The following PIK3CB variants were observed in gnomAD, a reference collection of about 807,000 sequenced individuals.
PIK3CB encodes the protein phosphatidylinositol-4,5-bisphosphate 3-kinase catalytic subunit beta, also known as phosphatidylinositol 4,5-bisphosphate 3-kinase catalytic subunit beta isoform.
A neutral mutation model predicts 136.8 loss-of-function variants in PIK3CB; 39 were observed. The ratio of observed to expected loss-of-function variants is 0.29; its 90% confidence interval spans 0.22 to 0.37. The LOEUF (loss-of-function observed/expected upper bound fraction) is 0.37, where lower values mean the gene tolerates loss of function less well. Among genes scored for constraint, PIK3CB ranks in the 10% least tolerant of loss-of-function variants. The pLI is 1.00. For synonymous variants in PIK3CB, 428 were observed against 436.6 expected, an observed-to-expected ratio of 0.98 and a Z score of 0.25; for missense variants, 868 against 1,275.4, an observed-to-expected ratio of 0.68 and a Z score of 4.87.
intron 12 of PIK3CB, among the ~76,000 whole-genome samples, chr3:138,703,037 G>A (rs1035719898): frequency 2.6e-5 from 4 of 152,034 alleles, no homozygotes; most frequent in Non-Finnish European, 5.9e-5. Flanking sequence ...ACTGTCTCCA[G>A]AAACCTGAAT....
At chr3:138,789,436 T>C (rs1438067036) in intron 2 of PIK3CB, among the ~76,000 whole-genome samples, 1 of 152,138 alleles carries the variant, frequency 6.6e-6, no homozygotes, top group Non-Finnish European at 1.5e-5. Context: ...TCTAGCCTGG[T>C]TGACAGAGTG....
chr3:138,729,543 T>A (rs576515105), intron 8 of PIK3CB, among the ~76,000 whole-genome samples: 73 of 152,304 alleles, frequency 4.8e-4, no homozygotes, highest in African/African-American at 1.5e-3. Context: ...CCTCCCCAAG[T>A]AAGACAGAAT....
rs34601499 is a variant in PIK3CB at position 138,691,104 on chromosome 3, T to C, written c.1932A>G (p.Gln644=). 4,346 of 1,613,042 alleles carry C rather than the reference T, an allele frequency of 2.7e-3. 11 individuals carry two copies. The highest frequency in any genetic ancestry group is 3.3e-3 in the Non-Finnish European group (3,943 of 1,179,310). The change falls in exon 15 of 24, where the codon CAA becomes CAG. Residue 644 remains glutamine, a synonymous_variant. Coordinates refer to ENST00000674063, the MANE Select transcript of PIK3CB (RefSeq NM_006219.3). ...CAAGAAAAGGCTCATATTTTAACACTTGCACCAGTTGTAAAAGATATTGAG... is the reference window on the plus strand; with the variant it reads ...CAAGAAAAGGCTCATATTTTAACACCTGCACCAGTTGTAAAAGATATTGAG... ...ELSQYLLQLV[Q]VLKYEPFLDC...
At chr3:138,772,621 A>G (rs1263574908) in intron 2 of PIK3CB, among the ~76,000 whole-genome samples, 1 of 146,298 alleles carries the variant, frequency 6.8e-6, no homozygotes, top group Admixed American at 6.9e-5. Context: ...CCACACCCAC[A>G]TCATTCTTTT....
intron 14 of PIK3CB, among the ~76,000 whole-genome samples, chr3:138,693,970 A>ATATATATAT (rs2044078289): frequency 1.2e-5 from 1 of 85,468 alleles, no homozygotes; most frequent in Non-Finnish European, 2.2e-5. Context: ...TATATATTAT[A>ATATATATAT]TATATATATA....
chr3:138,788,138 GTC>G (rs1332263577), intron 2 of PIK3CB, among the ~76,000 whole-genome samples: 1 of 151,736 alleles, frequency 6.6e-6, no homozygotes, highest in African/African-American at 2.4e-5. Context: ...GGCCAGGCCG[GTC>G]TCTAACTCCT....
chr3:138,750,116 T>C (rs2045439755), intron 4 of PIK3CB, among the ~76,000 whole-genome samples: 1 of 152,072 alleles, frequency 6.6e-6, no homozygotes, highest in African/African-American at 2.4e-5. Context: ...TGGGCTCAAG[T>C]GATCCACCCA....
chr3:138,830,945 T>C (rs1576438878), intron 1 of PIK3CB, among the ~76,000 whole-genome samples: 1 of 143,360 alleles, frequency 7.0e-6, no homozygotes. Context: ...ATAATAATAA[T>C]AATAATAAAG....
chr3:138,717,527 T>G (rs934669506), intron 8 of PIK3CB, among the ~76,000 whole-genome samples: 4 of 112,082 alleles, frequency 3.6e-5, no homozygotes, highest in African/African-American at 1.1e-4. Flanking sequence ...TAGAAATTTT[T>G]TGTGGTTTTT....
intron 8 of PIK3CB, among the ~76,000 whole-genome samples, chr3:138,723,832 G>A (rs2108612410): frequency 6.6e-6 from 1 of 152,000 alleles, no homozygotes; most frequent in African/African-American, 2.4e-5. Flanking sequence ...CCACAATATG[G>A]CCAAAATCCA....
In PIK3CB at chr3:138,697,447, T is replaced by C. The variant is rs565112271; in HGVS notation, c.1770+1460A>G. On this transcript the variant is annotated intron_variant, in intron 13 of 23. Coordinates refer to ENST00000674063, the MANE Select transcript of PIK3CB (RefSeq NM_006219.3). ...ATTTATTTATTTATTTATTTATTTA[T>C]TTATTTGAGACAGGGTCTCCCTCTG... Among the ~76,000 whole-genome samples the C allele has an allele frequency of 4.6e-5, 7 of 152,150 alleles. No homozygotes were observed. The South Asian group carries it at 1.0e-3, about 23-fold the overall frequency.
chr3:138,800,336 CT>C (rs35684147), intron 1 of PIK3CB, among the ~76,000 whole-genome samples: 393 of 143,066 alleles, frequency 2.7e-3, no homozygotes, highest in African/African-American at 3.1e-3. Flanking sequence ...ACCCATGACA[CT>C]TTTTTTTTTT....
At chr3:138,707,360 A>G in intron 10 of PIK3CB, 71 bp from the exon 11 acceptor site, 1 of 1,500,744 alleles carries the variant, frequency 6.7e-7, no homozygotes, top group Admixed American at 2.5e-5. Flanking sequence ...GCTGTAATGG[A>G]TCTCCTCCCA....
chr3:138,773,466 A>G (rs2045823838), intron 2 of PIK3CB, among the ~76,000 whole-genome samples: 1 of 152,198 alleles, frequency 6.6e-6, no homozygotes, highest in Admixed American at 6.5e-5. Flanking sequence ...GAGAGGGAGG[A>G]CATTATTGGT....
chr3:138,798,094 C>A (rs2046128466), intron 1 of PIK3CB, among the ~76,000 whole-genome samples: 1 of 152,206 alleles, frequency 6.6e-6, no homozygotes, highest in South Asian at 2.1e-4. Context: ...TAATATGCTA[C>A]CTTTGAGATT....
intron 16 of PIK3CB, among the ~76,000 whole-genome samples, chr3:138,688,525 TG>T (rs2043943596): frequency 3.5e-5 from 4 of 114,268 alleles, no homozygotes; most frequent in African/African-American, 9.9e-5. Flanking sequence ...AAAAAAAGGG[TG>T]GGGCTGGGTG....
intron 1 of PIK3CB, among the ~76,000 whole-genome samples, chr3:138,814,784 T>A (rs1933224339): frequency 6.6e-6 from 1 of 152,002 alleles, no homozygotes. Flanking sequence ...GGCAGATCAC[T>A]TGAGCTCAGG....
intron 4 of PIK3CB, among the ~76,000 whole-genome samples, chr3:138,755,381 C>T (rs1281475556): frequency 1.3e-5 from 2 of 152,182 alleles, no homozygotes; most frequent in Non-Finnish European, 2.9e-5. Context: ...GTGGCTCATA[C>T]CTGTAATCCC....
intron 5 of PIK3CB, among the ~76,000 whole-genome samples, chr3:138,741,508 A>T (rs2045243395): frequency 6.6e-6 from 1 of 152,204 alleles, no homozygotes; most frequent in Admixed American, 6.5e-5. Flanking sequence ...TGCTATGGTT[A>T]TTCACAGTAA....
Sources: gnomAD v4.1 joint callset for allele counts (sites outside exome capture counted in the v4.1 genomes callset) on GRCh38, gnomAD v4.1.1 for gene constraint, MANE v1.5 for transcripts, NCBI Gene and HGNC (gene_info 2026-07-23, HGNC 2026-07-21) for gene names.